The following UHRF2 variants were observed in gnomAD, a reference collection of about 807,000 sequenced individuals.
UHRF2 encodes ubiquitin like with PHD and ring finger domains 2.
Under a neutral mutation model 96.8 loss-of-function variants are expected in UHRF2, and 23 were observed. That is an observed-to-expected ratio of 0.24 (90% confidence interval 0.17 to 0.34). UHRF2 has a LOEUF of 0.34. Ranked by LOEUF, UHRF2 falls within the 10% of genes least tolerant of loss-of-function variation. The pLI, the probability that UHRF2 is intolerant of heterozygous loss-of-function variation, is 1.00. For synonymous variants in UHRF2, 385 were observed against 332.6 expected, an observed-to-expected ratio of 1.16 and a Z score of -1.72; for missense variants, 685 against 981.5, an observed-to-expected ratio of 0.70 and a Z score of 4.04.
chr9:6,426,439 CAGA>C (rs1820265703), intron 2 of UHRF2, among the ~76,000 whole-genome samples: 1 of 152,130 alleles, frequency 6.6e-6, no homozygotes, highest in Non-Finnish European at 1.5e-5. Context: ...ATAAAATTCT[CAGA>C]AGGTTGCTGT....
At chr9:6,422,394 C>T (rs866041822) in intron 2 of UHRF2, among the ~76,000 whole-genome samples, 22 of 151,842 alleles carry the variant, frequency 1.4e-4, no homozygotes, top group African/African-American at 4.3e-4. Flanking sequence ...GTTTTGATCT[C>T]CCTTTCTCCT....
At chr9:6,432,411 C>T (rs1820607552) in intron 2 of UHRF2, among the ~76,000 whole-genome samples, 1 of 152,154 alleles carries the variant, frequency 6.6e-6, no homozygotes, top group Admixed American at 6.5e-5. Flanking sequence ...TCCTCACTTA[C>T]CTTTGAAGTT....
chr9:6,497,440 G>C, intron 11 of UHRF2, 80 bp downstream of exon 11: 4 of 1,499,252 alleles, frequency 2.7e-6, no homozygotes, highest in Non-Finnish European at 2.7e-6. Flanking sequence ...ACTACTGTGG[G>C]TGGGCTCGAG....
chr9:6,425,123 T>G (rs987099304), intron 2 of UHRF2, among the ~76,000 whole-genome samples: 1 of 152,172 alleles, frequency 6.6e-6, no homozygotes, highest in Non-Finnish European at 1.5e-5. Flanking sequence ...CACTGTACAG[T>G]CCACACTTAA....
At chr9:6,445,981 C>CCCT (rs1554624504) in intron 3 of UHRF2, among the ~76,000 whole-genome samples, 8 of 78,900 alleles carry the variant, frequency 1.0e-4, no homozygotes, top group South Asian at 4.9e-4. Flanking sequence ...CCCCGCCACC[C>CCCT]TTTTTTTTTT....
chr9:6,451,642 G>A (rs373076645), intron 3 of UHRF2, among the ~76,000 whole-genome samples: 29 of 150,700 alleles, frequency 1.9e-4, no homozygotes, highest in Admixed American at 6.0e-4. Flanking sequence ...CACCACTCCC[G>A]GCTAATTTTT....
intron 3 of UHRF2, among the ~76,000 whole-genome samples, chr9:6,443,724 G>C (rs1821326555): frequency 6.6e-6 from 1 of 152,130 alleles, no homozygotes; most frequent in South Asian, 2.1e-4. Flanking sequence ...AGGTTCAACT[G>C]TTACTTTTAA....
At chr9:6,491,397 T>C (rs1824651777) in intron 9 of UHRF2, among the ~76,000 whole-genome samples, 1 of 152,224 alleles carries the variant, frequency 6.6e-6, no homozygotes. Context: ...TAACACCACC[T>C]AACCCACCAG....
At chr9:6,482,569 C>G (rs1024907204) in intron 8 of UHRF2, among the ~76,000 whole-genome samples, 3 of 150,564 alleles carry the variant, frequency 2.0e-5, no homozygotes, top group African/African-American at 7.3e-5. Context: ...TACAGACACC[C>G]AGGATTCTGA....
chr9:6,421,033 G>A lies in UHRF2; in HGVS notation c.275G>A (p.Cys92Tyr). 6.2e-7 allele frequency: 1 copy of A among 1,614,112 alleles called. No individual in the cohort carries two copies. The highest frequency in any genetic ancestry group is 2.2e-5 in the East Asian group (1 of 44,880). The change falls in exon 2 of 16, where the codon TGT (cysteine) becomes TAT (tyrosine). Residue 92 changes from cysteine to tyrosine, a missense_variant. Cys to Tyr is a radical substitution (Grantham distance 194, BLOSUM62 -2). Around this residue, in one of 6 missense-constraint regions of UHRF2, gnomAD observed 391 missense variants for 437.0 expected, o/e 0.89. Transcript: ENST00000276893. ...TCTACACAGATTGAGGCTAAACCCT[G>A]TTCTAATAGTCCACCTAAAGTAAAG... is the stretch of plus-strand genomic sequence containing the variant. ...GTSTQIEAKP[C>Y]SNSPPKVKKA...
At chr9:6,501,561 T>A (rs1234779361) in intron 14 of UHRF2, among the ~76,000 whole-genome samples, 2 of 152,206 alleles carry the variant, frequency 1.3e-5, no homozygotes, top group East Asian at 3.8e-4. Context: ...TTTTAAACTT[T>A]TAGAAATGCT....
chr9:6,493,914 C>G lies in UHRF2; in HGVS notation c.1586C>G (p.Thr529Arg). The change falls in exon 10 of 16, where the codon ACA becomes AGA. Residue 529 changes from threonine to arginine, a missense_variant. Coordinates refer to ENST00000276893, the MANE Select transcript of UHRF2 (RefSeq NM_152896.3). ...KRIGAPSADQTLTNMNRALAL... is the reference protein window; with the variant it reads ...KRIGAPSADQRLTNMNRALAL... ...ATTGGTGCACCTTCAGCTGATCAAA[C>G]ATTAACAAACATGAACAGGTACTAC... 4.3e-6 allele frequency: 7 copies of G among 1,613,772 alleles called. No homozygotes were observed. Among genetic ancestry groups the G allele is most frequent in the Non-Finnish European group, 5.9e-6 (7 of 1,179,842 alleles).
chr9:6,431,471 G>A (rs1336351708), intron 2 of UHRF2, among the ~76,000 whole-genome samples: 3 of 152,086 alleles, frequency 2.0e-5, no homozygotes, highest in Admixed American at 6.6e-5. Flanking sequence ...AGGTGTGGTG[G>A]CATATACCTG....
At chr9:6,420,485 G>A (rs550859122) in intron 1 of UHRF2, among the ~76,000 whole-genome samples, 10 of 151,498 alleles carry the variant, frequency 6.6e-5, no homozygotes, top group African/African-American at 1.9e-4. Context: ...GGTGGATCAC[G>A]AGGTCAGGAG....
intron 3 of UHRF2, among the ~76,000 whole-genome samples, chr9:6,450,304 T>TTC (rs1821778706): frequency 8.5e-6 from 1 of 118,122 alleles, no homozygotes; most frequent in Non-Finnish European, 1.7e-5. Flanking sequence ...TTCTTCCCCT[T>TTC]CCCCCCCCCC....
chr9:6,486,923 G>A lies in UHRF2; in HGVS notation c.1495G>A (p.Val499Ile), dbSNP rs1253988789. 6.2e-7 allele frequency: 1 copy of A among 1,613,952 alleles called. No homozygotes were observed. The highest frequency in any genetic ancestry group is 8.5e-7 in the Non-Finnish European group (1 of 1,179,922). Residue 499 changes from valine (V) to isoleucine (I), a missense_variant and splice_region_variant, in exon 9 of 16, where the codon GTC becomes ATC. This residue lies in a region of UHRF2 where 73 missense variants were observed against 283.7 expected (regional missense o/e 0.26). Transcript: ENST00000276893. ...ACTGGCTGGTGGATTTGCGGATGAA[G>A]TCGTAAGTCATTATACAACCTTACT... ...LVLAGGFADEVDRGDEFTYTG... is the reference protein window; with the variant it reads ...LVLAGGFADEIDRGDEFTYTG...
At chr9:6,461,357 C>G (rs1339681064) in intron 4 of UHRF2, among the ~76,000 whole-genome samples, 4 of 95,620 alleles carry the variant, frequency 4.2e-5, no homozygotes, top group Non-Finnish European at 2.0e-5. Context: ...CTCTCTCCCC[C>G]CCCTCCTCCT....
intron 1 of UHRF2, among the ~76,000 whole-genome samples, chr9:6,417,965 A>T (rs899293663): frequency 3.3e-5 from 5 of 152,226 alleles, no homozygotes; most frequent in African/African-American, 1.2e-4. Flanking sequence ...CAGCAGTTTT[A>T]TCACTTTAAC....
intron 3 of UHRF2, chr9:6,449,394 C>G (rs1181529790): frequency 6.6e-6 from 1 of 152,132 alleles, no homozygotes; most frequent in African/African-American, 2.4e-5. Flanking sequence ...CTTTTCCTGC[C>G]CCTTCCTTCT....
Sources: gnomAD v4.1 joint callset for allele counts (sites outside exome capture counted in the v4.1 genomes callset) on GRCh38, gnomAD v4.1.1 for gene constraint, gnomAD v4.1.1 regional missense constraint, MANE v1.5 for transcripts, NCBI Gene and HGNC (gene_info 2026-07-23, HGNC 2026-07-21) for gene names.